The following C12orf42 variants were observed in gnomAD, a reference collection of about 807,000 sequenced individuals.
C12orf42 encodes the protein chromosome 12 open reading frame 42.
In C12orf42, 25 loss-of-function variants were observed where a neutral mutation model predicts 21.6. The ratio of observed to expected loss-of-function variants is 1.16; its 90% CI spans 0.84 to 1.62. The LOEUF (loss-of-function observed/expected upper bound fraction) is 1.62, where lower values mean the gene tolerates loss of function less well. C12orf42 is among the 40% of genes most tolerant of loss of function. The pLI is 0.00. For missense variants in C12orf42, 483 were observed against 459.3 expected (o/e 1.05, Z -0.47); for synonymous variants, 174 against 175.0 (o/e 0.99, Z 0.05).
intron 4 of C12orf42, among the ~76,000 whole-genome samples, chr12:103,341,519 T>C (rs1479753674): frequency 3.9e-5 from 6 of 152,020 alleles, no homozygotes; most frequent in African/African-American, 1.4e-4. Context: ...ACAAAGATGA[T>C]GAAATGGAAT....
chr12:103,363,808 T>C (rs1186970692), intron 4 of C12orf42, among the ~76,000 whole-genome samples: 2 of 152,050 alleles, frequency 1.3e-5, no homozygotes, highest in Non-Finnish European at 2.9e-5. Context: ...ATCCTAAATA[T>C]ATATGCACCT....
the C12orf42 span, among the ~76,000 whole-genome samples, chr12:103,132,718 T>C: frequency 4.6e-5 from 7 of 152,152 alleles, no homozygotes; most frequent in African/African-American, 1.7e-4. Flanking sequence ...TTAGTAAAGA[T>C]TTCATTGCCT....
At chr12:103,079,929 A>G in the C12orf42 span, among the ~76,000 whole-genome samples, 1 of 152,226 alleles carries the variant, frequency 6.6e-6, no homozygotes, top group Non-Finnish European at 1.5e-5. Context: ...TCTATGAAGA[A>G]GCAATTAATA....
chr12:103,296,035 C>T (rs929783723), intron 4 of C12orf42, among the ~76,000 whole-genome samples: 17 of 131,282 alleles, frequency 1.3e-4, no homozygotes, highest in African/African-American at 4.7e-4. Flanking sequence ...CACAACAGGC[C>T]GCAGTGTGTG....
intron 2 of C12orf42, among the ~76,000 whole-genome samples, chr12:103,440,457 C>A (rs1395491446): frequency 9.3e-4 from 65 of 69,660 alleles, no homozygotes; most frequent in African/African-American, 1.5e-3. Flanking sequence ...TCACAGATAC[C>A]AAAAAAAAAA....
intron 10 of C12orf42, among the ~76,000 whole-genome samples, chr12:103,250,976 A>G (rs1051195679): frequency 6.6e-5 from 10 of 151,560 alleles, no homozygotes; most frequent in African/African-American, 2.2e-4. Flanking sequence ...TCAAATTCAG[A>G]CCCCTCTTTG....
the C12orf42 span, among the ~76,000 whole-genome samples, chr12:103,186,312 A>G: frequency 0.36 from 54,956 of 151,980 alleles, 10,583 homozygotes; most frequent in South Asian, 0.44. Flanking sequence ...GTAGTATGAC[A>G]CCAAATTGTA....
chr12:103,341,129 A>AAAAG lies in C12orf42; in HGVS notation c.259+27757_259+27758insCTTT, dbSNP rs1394563594. 2.6e-3 allele frequency among the ~76,000 whole-genome samples: 396 copies of AAAAG among 150,552 alleles called. 5 individuals are homozygous for AAAAG. The highest frequency in any genetic ancestry group is 3.6e-3 in the African/African-American group (147 of 41,170). On this transcript the variant is annotated intron_variant, in intron 4 of 5. Transcript: ENST00000548883. ...CTCTGTCTCAAAAAAAAAAAAAAAAAAAAAAAGACACCACAATAAAAATTA... is the reference window on the plus strand; with the variant it reads ...CTCTGTCTCAAAAAAAAAAAAAAAAAAAAGAAAAAAGACACCACAATAAAAATTA...
At chr12:103,162,166 G>T in the C12orf42 span, among the ~76,000 whole-genome samples, 2 of 152,142 alleles carry the variant, frequency 1.3e-5, no homozygotes, top group East Asian at 3.9e-4. Flanking sequence ...ATGCGCCTTT[G>T]TCCTATGTCC....
the C12orf42 span, among the ~76,000 whole-genome samples, chr12:103,134,013 C>A: frequency 2.2e-4 from 34 of 152,268 alleles, no homozygotes; most frequent in African/African-American, 7.9e-4. Context: ...TATGAATTAC[C>A]CAGTCTCAAG....
At chr12:103,433,464 T>A (rs1251305796) in intron 2 of C12orf42, among the ~76,000 whole-genome samples, 1 of 152,180 alleles carries the variant, frequency 6.6e-6, no homozygotes, top group African/African-American at 2.4e-5. Flanking sequence ...CATAATATGA[T>A]GCAACAAGAA....
At chr12:103,201,911 C>A in the C12orf42 span, among the ~76,000 whole-genome samples, 1 of 151,946 alleles carries the variant, frequency 6.6e-6, no homozygotes, top group Non-Finnish European at 1.5e-5. Flanking sequence ...ATAAAATAAG[C>A]AAGTAATAAG....
At chr12:103,349,222 A>C (rs553464082) in intron 4 of C12orf42, 1 of 152,056 alleles carries the variant, frequency 6.6e-6, no homozygotes, top group East Asian at 2.0e-4. Context: ...AGAGGAGAGA[A>C]ACTAGGGCAG....
the C12orf42 span, among the ~76,000 whole-genome samples, chr12:103,213,874 T>C: frequency 6.6e-6 from 1 of 152,216 alleles, no homozygotes; most frequent in Non-Finnish European, 1.5e-5. Flanking sequence ...GTCTGGGGTT[T>C]TCAATAGGAC....
At chr12:103,100,561 C>T in the C12orf42 span, among the ~76,000 whole-genome samples, 1 of 152,198 alleles carries the variant, frequency 6.6e-6, no homozygotes, top group Non-Finnish European at 1.5e-5. Context: ...CCCAGAACCA[C>T]CCGGACAATG....
chr12:103,094,126 C>T, the C12orf42 span, among the ~76,000 whole-genome samples: 1 of 152,144 alleles, frequency 6.6e-6, no homozygotes, highest in Non-Finnish European at 1.5e-5. Context: ...TTCTACTTTC[C>T]CTGCCACTAG....
the C12orf42 span, among the ~76,000 whole-genome samples, chr12:103,060,763 C>G: frequency 4.6e-5 from 7 of 152,140 alleles, no homozygotes; most frequent in African/African-American, 1.4e-4. Context: ...GGAAAACTGG[C>G]TAGCCATATG....
At chr12:103,098,159 T>C in the C12orf42 span, among the ~76,000 whole-genome samples, 2 of 152,256 alleles carry the variant, frequency 1.3e-5, no homozygotes, top group African/African-American at 4.8e-5. Context: ...GGTAAATTTA[T>C]GGTTCCGCCA....
intron 1 of C12orf42, among the ~76,000 whole-genome samples, chr12:103,483,959 G>A (rs1954648633): frequency 6.6e-6 from 1 of 152,118 alleles, no homozygotes; most frequent in Non-Finnish European, 1.5e-5. Context: ...ATAGTTTCCA[G>A]CTTCACCCAC....
Sources: allele counts gnomAD v4.1 joint callset (sites outside exome capture counted in the v4.1 genomes callset), GRCh38; gene constraint gnomAD v4.1.1; transcripts MANE v1.5; gene names NCBI Gene and HGNC (gene_info 2026-07-23, HGNC 2026-07-21).